Variants in RANBP10 observed in about 807,000 individuals in gnomAD.
RANBP10 encodes the protein ran-binding protein 10.
In RANBP10, 24 loss-of-function variants were observed where a neutral mutation model predicts 72.8. The observed-to-expected ratio is 0.33, with a 90% confidence interval of 0.24 to 0.46. RANBP10 has a LOEUF of 0.46. Among genes scored for constraint, RANBP10 ranks in the 20% least tolerant of loss-of-function variants. RANBP10 has a pLI of 1.00. For missense variants in RANBP10, 679 were observed against 817.5 expected, an observed-to-expected ratio of 0.83 and a Z score of 2.07; for synonymous variants, 310 against 322.3, an observed-to-expected ratio of 0.96 and a Z score of 0.41.
At position 67,736,357 on chromosome 16, in the gene RANBP10, C is replaced by T. The variant is rs192962798; in HGVS notation, c.592-1315G>A. Reference sequence around the variant, plus strand: ...TGTATTTTTAGCAGAGATGGGGTTTCTCCATGTTGGTCAGGCTGGTCTTGA... The same window carrying T: ...TGTATTTTTAGCAGAGATGGGGTTTTTCCATGTTGGTCAGGCTGGTCTTGA... On this transcript the variant is annotated intron_variant, in intron 5 of 13. Transcript: ENST00000317506. 6.4e-3 allele frequency among the ~76,000 whole-genome samples: 968 copies of T among 152,318 alleles called. 7 individuals are homozygous for T. Among genetic ancestry groups the T allele is most frequent in the Admixed American group, 8.6e-3 (132 of 15,288 alleles).
At chr16:67,743,548 G>T (rs1008772806) in intron 4 of RANBP10, among the ~76,000 whole-genome samples, 2 of 152,112 alleles carry the variant, frequency 1.3e-5, no homozygotes, top group Non-Finnish European at 2.9e-5. Context: ...GGGATCCCAC[G>T]GGCCCCATCC....
At chr16:67,745,985 C>T (rs1016604713) in intron 3 of RANBP10, among the ~76,000 whole-genome samples, 2 of 151,654 alleles carry the variant, frequency 1.3e-5, no homozygotes, top group African/African-American at 2.4e-5. Flanking sequence ...GGAGAAATCC[C>T]GTCTCTACTA....
At chr16:67,728,342 GACTGC>G (rs756740697) in intron 11 of RANBP10, 43 bp downstream of exon 11, 6 of 1,599,772 alleles carry the variant, frequency 3.8e-6, no homozygotes, top group Non-Finnish European at 2.6e-6. Flanking sequence ...AGGGCACCCA[GACTGC>G]ACACTGCCCT....
intron 5 of RANBP10, among the ~76,000 whole-genome samples, chr16:67,737,189 T>TTCG (rs2053866174): frequency 6.8e-6 from 1 of 146,586 alleles, no homozygotes; most frequent in Admixed American, 6.7e-5. Context: ...ACTCCATCCT[T>TTCG]TTCTTTTTTT....
At chr16:67,756,147 C>G (rs1371858572) in intron 3 of RANBP10, among the ~76,000 whole-genome samples, 1 of 152,240 alleles carries the variant, frequency 6.6e-6, no homozygotes, top group Non-Finnish European at 1.5e-5. Flanking sequence ...CATCCCTGGA[C>G]AGTGCCCTAG....
At chr16:67,781,154 G>C (rs1474394926) in intron 2 of RANBP10, among the ~76,000 whole-genome samples, 1 of 152,248 alleles carries the variant, frequency 6.6e-6, no homozygotes, top group African/African-American at 2.4e-5. Flanking sequence ...GAAGGTGGAT[G>C]ATGGGACAAC....
intron 3 of RANBP10, among the ~76,000 whole-genome samples, chr16:67,769,895 G>A (rs777827989): frequency 1.3e-5 from 2 of 151,154 alleles, no homozygotes; most frequent in African/African-American, 2.4e-5. Context: ...GTGAGACCCC[G>A]CCTCTACAAA....
At chr16:67,761,914 C>A (rs943048653) in intron 3 of RANBP10, among the ~76,000 whole-genome samples, 7 of 151,996 alleles carry the variant, frequency 4.6e-5, no homozygotes, top group Non-Finnish European at 1.0e-4. Flanking sequence ...ATAGGTACTT[C>A]CTTCTTCAGG....
At chr16:67,769,117 T>C (rs909093256) in intron 3 of RANBP10, among the ~76,000 whole-genome samples, 3 of 152,142 alleles carry the variant, frequency 2.0e-5, no homozygotes, top group African/African-American at 7.2e-5. Context: ...AATTTCCCAA[T>C]ATATCCTACA....
intron 3 of RANBP10, among the ~76,000 whole-genome samples, chr16:67,749,388 G>GC (rs1479714616): frequency 6.6e-6 from 1 of 152,192 alleles, no homozygotes; most frequent in African/African-American, 2.4e-5. Flanking sequence ...ACTGGTGGAG[G>GC]CCCTCAGCCC....
At chr16:67,772,542 T>A (rs989125910) in intron 2 of RANBP10, among the ~76,000 whole-genome samples, 1 of 152,112 alleles carries the variant, frequency 6.6e-6, no homozygotes, top group Non-Finnish European at 1.5e-5. Flanking sequence ...TGGATCTACA[T>A]AGGATCATCA....
In RANBP10 at chr16:67,806,315, G is replaced by A. The variant is rs139860806; in HGVS notation, c.222C>T (p.Arg74=). The change falls in exon 1 of 14, where the codon CGC becomes CGT. Residue 74 remains arginine, a synonymous_variant. Coordinates refer to ENST00000317506, the MANE Select transcript of RANBP10 (RefSeq NM_020850.3). ...ACGGGCCGATACCTTTGTAGTGGAC[G>A]CGGAGGTTGCCCTGGGAGAGACCAA... ...NYIGLSQGNL[R]VHYKGHGKNH... 51 of 1,612,334 alleles carry A rather than the reference G, an allele frequency of 3.2e-5. No individual in the cohort carries two copies. The highest frequency in any genetic ancestry group is 9.3e-5 in the African/African-American group (7 of 74,886).
intron 5 of RANBP10, among the ~76,000 whole-genome samples, chr16:67,737,187 C>CTT (rs1567678347): frequency 7.8e-6 from 1 of 128,368 alleles, no homozygotes; most frequent in Non-Finnish European, 1.6e-5. Context: ...AAACTCCATC[C>CTT]TTTTCTTTTT....
chr16:67,726,509 C>T lies in RANBP10; in HGVS notation c.1782G>A (p.Gln594=), dbSNP rs749673682. ...KQPPLMLALG[Q]ASECLRLMAR... The stretch of plus-strand genomic sequence containing the variant: ...CCATGAGCCGGAGACACTCAGATGC[C>T]TGGCCCAGGGCGAGCATCAGAGGGG... The change falls in exon 14 of 14, where the codon CAG becomes CAA. Residue 594 remains glutamine, a synonymous_variant. Coordinates refer to ENST00000317506, the MANE Select transcript of RANBP10 (RefSeq NM_020850.3). 1.5e-5 allele frequency: 24 copies of T among 1,585,316 alleles called. No homozygotes were observed. Among genetic ancestry groups the T allele is most frequent in the Non-Finnish European group, 1.9e-5 (22 of 1,165,632 alleles).
intron 3 of RANBP10, among the ~76,000 whole-genome samples, chr16:67,768,489 A>G (rs1374813986): frequency 6.6e-6 from 1 of 152,072 alleles, no homozygotes; most frequent in African/African-American, 2.4e-5. Flanking sequence ...CCAGTTCACT[A>G]AAGCCTGGGT....
rs2053597378 is a variant in RANBP10 at position 67,726,315 on chromosome 16, G to A, written c.*113C>T. On this transcript the variant is annotated 3_prime_UTR_variant, in exon 14 of 14. Transcript: ENST00000317506. ...GAGAGGGGGAAAGGCCAGGCAGGAG[G>A]AGTGGACTCTGTCTATGGTTTCCCA... The A allele has an allele frequency of 1.3e-6, 2 of 1,486,490 alleles. No individual in the cohort carries two copies. The highest frequency in any genetic ancestry group is 1.8e-6 in the Non-Finnish European group (2 of 1,091,722). The allele number at this position is 1,486,490 out of a possible 1,614,324, so 92.1% of individuals were successfully genotyped here.
At chr16:67,743,949 C>T (rs1450606924) in intron 4 of RANBP10, among the ~76,000 whole-genome samples, 1 of 152,208 alleles carries the variant, frequency 6.6e-6, no homozygotes, top group Non-Finnish European at 1.5e-5. Context: ...GTCACAGGCA[C>T]GCAAACCACC....
chr16:67,731,667 C>CTGGGGGAGGTAAT, intron 6 of RANBP10, 83 bp from the exon 7 acceptor site: 8 of 978,758 alleles, frequency 8.2e-6, no homozygotes, highest in Non-Finnish European at 1.2e-5. Context: ...CAGATTACCT[C>CTGGGGGAGGTAAT]CCCCAGAGGT....
intron 3 of RANBP10, among the ~76,000 whole-genome samples, chr16:67,753,643 G>A (rs1018797350): frequency 7.9e-5 from 12 of 152,134 alleles, no homozygotes; most frequent in Non-Finnish European, 1.0e-4. Flanking sequence ...AAAAACCTTC[G>A]GGGTAAAGGG....
Sources: gnomAD v4.1 joint callset for allele counts (sites outside exome capture counted in the v4.1 genomes callset) on GRCh38, gnomAD v4.1.1 for gene constraint, MANE v1.5 for transcripts, NCBI Gene and HGNC (gene_info 2026-07-23, HGNC 2026-07-21) for gene names.